The following CEP112 variants were observed in gnomAD, a reference collection of about 807,000 sequenced individuals.
The protein encoded by CEP112 is centrosomal protein 112.
CEP112 carries 127 observed loss-of-function variants against 153.0 expected under a neutral mutation model. The observed-to-expected ratio is 0.83, with a 90% CI of 0.72 to 0.96. The LOEUF is 0.96. Ranked by LOEUF, CEP112 falls within the 40% of genes least tolerant of loss-of-function variation. The pLI is 0.00. For synonymous variants in CEP112, 358 were observed against 374.4 expected (o/e 0.96, Z 0.51); for missense variants, 1,089 against 1,101.2 (o/e 0.99, Z 0.16).
intron 21 of CEP112, among the ~76,000 whole-genome samples, chr17:65,751,757 T>C (rs2051865319): frequency 6.6e-6 from 1 of 152,248 alleles, no homozygotes; most frequent in Non-Finnish European, 1.5e-5. Context: ...CAGTTCCTTT[T>C]TGTTCTTTGA....
At chr17:65,999,989 A>G (rs2063952997) in intron 17 of CEP112, among the ~76,000 whole-genome samples, 2 of 152,280 alleles carry the variant, frequency 1.3e-5, no homozygotes, top group Middle Eastern at 6.8e-3. Flanking sequence ...ATTTAGGTTG[A>G]TTCCATGTCT....
intron 4 of CEP112, among the ~76,000 whole-genome samples, chr17:66,166,233 A>G (rs1037571688): frequency 6.6e-6 from 1 of 152,204 alleles, no homozygotes; most frequent in Non-Finnish European, 1.5e-5. Flanking sequence ...TTTTTCATCA[A>G]TAAATTCCTC....
At chr17:65,812,675 T>C (rs893091331) in intron 21 of CEP112, among the ~76,000 whole-genome samples, 2 of 152,102 alleles carry the variant, frequency 1.3e-5, no homozygotes, top group Admixed American at 6.5e-5. Flanking sequence ...ACAACAAAAC[T>C]TCAGTTTTAT....
At chr17:66,005,192 T>C (rs911662241) in intron 17 of CEP112, among the ~76,000 whole-genome samples, 6 of 152,210 alleles carry the variant, frequency 3.9e-5, no homozygotes, top group African/African-American at 1.2e-4. Flanking sequence ...AGTAAATGAA[T>C]GGAGAAGACA....
At chr17:65,830,274 G>A (rs1425748440) in intron 21 of CEP112, among the ~76,000 whole-genome samples, 1 of 152,130 alleles carries the variant, frequency 6.6e-6, no homozygotes, top group Non-Finnish European at 1.5e-5. Flanking sequence ...AAACTCCCTG[G>A]GCCCCCAGAA....
chr17:66,121,231 G>A lies in CEP112; in HGVS notation c.642+8515C>T, dbSNP rs186458777. 7.8e-4 allele frequency among the ~76,000 whole-genome samples: 118 copies of A among 151,382 alleles called. 1 individual carries two copies. Among genetic ancestry groups the A allele is most frequent in the Admixed American group, 2.0e-3 (30 of 15,208 alleles). ...GCAGAAGTTGCGGTAAGCTGAGATCGTGCCATTGCACTCTAGCCTGGGCAA... is the reference window on the plus strand; with the variant it reads ...GCAGAAGTTGCGGTAAGCTGAGATCATGCCATTGCACTCTAGCCTGGGCAA... On this transcript the variant is annotated intron_variant, in intron 6 of 26. Transcript: ENST00000535342.
intron 12 of CEP112, among the ~76,000 whole-genome samples, chr17:66,046,612 C>T (rs758836370): frequency 2.0e-4 from 31 of 152,042 alleles, no homozygotes; most frequent in Admixed American, 1.1e-3. Flanking sequence ...ATTGTGTCCT[C>T]CAAAAAGATA....
intron 18 of CEP112, among the ~76,000 whole-genome samples, chr17:65,948,435 G>A (rs1427863552): frequency 1.3e-5 from 2 of 152,146 alleles, no homozygotes; most frequent in African/African-American, 4.8e-5. Context: ...CGTTCATATT[G>A]CTGGTATACA....
chr17:65,669,581 A>G (rs1205645666), intron 24 of CEP112, among the ~76,000 whole-genome samples: 1 of 152,144 alleles, frequency 6.6e-6, no homozygotes. Flanking sequence ...TCAGAAGACA[A>G]TAGAAGAGAT....
chr17:65,741,333 T>C, intron 23 of CEP112, among the ~76,000 whole-genome samples: 1 of 146,762 alleles, frequency 6.8e-6, no homozygotes, highest in East Asian at 2.0e-4. Context: ...TTAGCAACTT[T>C]AATATAGGTT....
chr17:65,969,294 A>G (rs2062540607), intron 17 of CEP112, among the ~76,000 whole-genome samples: 1 of 152,134 alleles, frequency 6.6e-6, no homozygotes, highest in South Asian at 2.1e-4. Flanking sequence ...CATGTTGGCC[A>G]GGCTGATCTA....
chr17:66,013,913 C>G (rs1483599407), intron 16 of CEP112, among the ~76,000 whole-genome samples: 1 of 152,162 alleles, frequency 6.6e-6, no homozygotes, highest in African/African-American at 2.4e-5. Context: ...TGGGGTGGGG[C>G]TGGCAAACTC....
intron 18 of CEP112, chr17:65,941,656 C>T (rs28701986): frequency 6.6e-6 from 1 of 152,192 alleles, no homozygotes; most frequent in African/African-American, 2.4e-5. Context: ...TTGTGTAACT[C>T]AGGCTTCAAG....
At chr17:65,880,275 C>G (rs754629505) in intron 20 of CEP112, among the ~76,000 whole-genome samples, 4 of 152,122 alleles carry the variant, frequency 2.6e-5, no homozygotes, top group Admixed American at 1.3e-4. Flanking sequence ...GATTTCCAAT[C>G]TTACCTTATT....
intron 11 of CEP112, among the ~76,000 whole-genome samples, chr17:66,057,599 C>T (rs1477572887): frequency 6.6e-6 from 1 of 152,226 alleles, no homozygotes; most frequent in East Asian, 1.9e-4. Context: ...TATACACACA[C>T]ACATACATAT....
intron 24 of CEP112, among the ~76,000 whole-genome samples, chr17:65,651,811 C>T (rs531877043): frequency 1.5e-4 from 23 of 152,286 alleles, no homozygotes; most frequent in Admixed American, 1.0e-3. Context: ...AGTGATTCTC[C>T]TGCCTCAGCC....
Position 65,635,990 on chromosome 17 carries a change from C to T in CEP112, c.2865-16G>A. On this transcript the variant is annotated splice_polypyrimidine_tract_variant and intron_variant, in intron 26 of 26. Transcript: ENST00000535342. ...GTGCAGTTACCTGTAAACCAAAAAT[C>T]GCAGTCACGACTTTCTCTAGGTTTA... is the stretch of plus-strand genomic sequence containing the variant. 12 of 1,597,592 alleles carry T rather than the reference C, an allele frequency of 7.5e-6. No individual in the cohort carries two copies. The highest frequency in any genetic ancestry group is 9.4e-6 in the Non-Finnish European group (11 of 1,170,260).
intron 14 of CEP112, 106 bp downstream of exon 14, chr17:66,029,017 A>T (rs1310030349): frequency 1.1e-6 from 1 of 874,346 alleles, no homozygotes; most frequent in Non-Finnish European, 1.7e-6. Flanking sequence ...AATAAAGTGA[A>T]AGAGAGATTA....
intron 23 of CEP112, among the ~76,000 whole-genome samples, chr17:65,692,751 T>C (rs910164280): frequency 3.9e-5 from 6 of 152,170 alleles, no homozygotes; most frequent in East Asian, 1.9e-4. Flanking sequence ...AATTTACATG[T>C]CTGGGTGGCA....
Sources: gnomAD v4.1 joint callset for allele counts (sites outside exome capture counted in the v4.1 genomes callset) on GRCh38, gnomAD v4.1.1 for gene constraint, MANE v1.5 for transcripts, NCBI Gene and HGNC (gene_info 2026-07-23, HGNC 2026-07-21) for gene names.